The following CTCF variants were observed in gnomAD, a reference collection of about 807,000 sequenced individuals.
CTCF encodes the protein transcriptional repressor CTCF.
CTCF carries 7 observed loss-of-function variants against 72.3 expected under a neutral mutation model. That is an observed-to-expected ratio of 0.10 (90% CI 0.06 to 0.18). The LOEUF (loss-of-function observed/expected upper bound fraction) is 0.18, where lower values mean the gene tolerates loss of function less well. Ranked by LOEUF, CTCF falls within the 10% of genes least tolerant of loss-of-function variation. The pLI is 1.00. For missense variants in CTCF, 516 were observed against 949.1 expected, an observed-to-expected ratio of 0.54 and a Z score of 6.00; for synonymous variants, 374 against 315.8, an observed-to-expected ratio of 1.18 and a Z score of -1.95.
intron 2 of CTCF, among the ~76,000 whole-genome samples, chr16:67,606,756 G>GTTTT (rs796220502): frequency 8.8e-5 from 11 of 124,486 alleles, no homozygotes; most frequent in East Asian, 2.3e-4. Flanking sequence ...TTTGTTTTGG[G>GTTTT]TTTTTTTTTT....
intron 2 of CTCF, among the ~76,000 whole-genome samples, chr16:67,592,279 G>A (rs1338590637): frequency 6.6e-6 from 1 of 151,924 alleles, no homozygotes. Flanking sequence ...GGGCATAGTG[G>A]TGTACGCCTG....
At chr16:67,631,523 A>G (rs1427616275) in intron 10 of CTCF, among the ~76,000 whole-genome samples, 1 of 150,764 alleles carries the variant, frequency 6.6e-6, no homozygotes, top group Non-Finnish European at 1.5e-5. Context: ...TGGTCTCGTA[A>G]CTCCTGGGCT....
chr16:67,585,401 C>T (rs1445176307), intron 2 of CTCF, among the ~76,000 whole-genome samples: 1 of 152,176 alleles, frequency 6.6e-6, no homozygotes, highest in Non-Finnish European at 1.5e-5. Flanking sequence ...GTAATGTTAC[C>T]AACTTTAAAA....
chr16:67,591,753 G>A (rs766989531), intron 2 of CTCF, among the ~76,000 whole-genome samples: 1 of 152,026 alleles, frequency 6.6e-6, no homozygotes, highest in African/African-American at 2.4e-5. Context: ...AGAGTCTTGC[G>A]CTGTCACTCA....
chr16:67,585,452 A>G (rs1411336941), intron 2 of CTCF, among the ~76,000 whole-genome samples: 2 of 152,254 alleles, frequency 1.3e-5, no homozygotes, highest in Non-Finnish European at 2.9e-5. Flanking sequence ...CTAGGCTCTG[A>G]CTGAAGATAA....
At chr16:67,635,099 G>A (rs2052412594) in intron 10 of CTCF, among the ~76,000 whole-genome samples, 1 of 151,792 alleles carries the variant, frequency 6.6e-6, no homozygotes, top group South Asian at 2.1e-4. Flanking sequence ...TTGGCTCACT[G>A]CAACCTCTGC....
chr16:67,607,768 C>G (rs2051995984), intron 2 of CTCF, among the ~76,000 whole-genome samples: 1 of 151,794 alleles, frequency 6.6e-6, no homozygotes, highest in Non-Finnish European at 1.5e-5. Context: ...GCCTGTAGTC[C>G]CAGCACTTTG....
Position 67,629,420 on chromosome 16 carries a change from A to G in CTCF, c.1724A>G (p.Asp575Gly). 6.2e-7 allele frequency: 1 copy of G among 1,609,096 alleles called. No homozygotes were observed. Among genetic ancestry groups the G allele is most frequent in the Non-Finnish European group, 8.5e-7 (1 of 1,178,044 alleles). Residue 575 changes from aspartate (D) to glycine (G), a missense_variant, in exon 10 of 12, where the codon GAT (aspartate) becomes GGT (glycine). Physicochemically the swap from Asp to Gly is moderately conservative, Grantham distance 94. Around this residue, in one of 7 missense-constraint regions of CTCF, gnomAD observed 81 missense variants for 184.3 expected, o/e 0.44. Coordinates refer to ENST00000264010, the MANE Select transcript of CTCF (RefSeq NM_006565.4). Reference protein sequence around the residue: ...TRRNTMARHADNCAGPDGVEG... With the variant: ...TRRNTMARHAGNCAGPDGVEG... ...TAGAATACCATGGCAAGACATGCTG[A>G]TAATTGTGCTGGCCCAGATGGCGTA...
At chr16:67,571,979 C>A (rs1004654828) in intron 2 of CTCF, among the ~76,000 whole-genome samples, 1 of 151,838 alleles carries the variant, frequency 6.6e-6, no homozygotes, top group Non-Finnish European at 1.5e-5. Context: ...CTCACGGTAC[C>A]GGAAAGCACA....
At chr16:67,614,316 C>CA (rs2052101121) in intron 4 of CTCF, 1 of 144,220 alleles carries the variant, frequency 6.9e-6, no homozygotes, top group Non-Finnish European at 1.5e-5. Flanking sequence ...CATTGCACTC[C>CA]AGCCTGGGCG....
intron 2 of CTCF, among the ~76,000 whole-genome samples, chr16:67,600,819 C>T (rs1172120938): frequency 4.6e-5 from 7 of 151,928 alleles, no homozygotes; most frequent in African/African-American, 9.7e-5. Context: ...AGGTGATTTT[C>T]GTAATCTGGA....
chr16:67,599,764 C>T (rs1310380215), intron 2 of CTCF, among the ~76,000 whole-genome samples: 2 of 152,204 alleles, frequency 1.3e-5, no homozygotes, highest in African/African-American at 2.4e-5. Context: ...AAACCACCCA[C>T]TTTGCCAAGC....
At chr16:67,622,523 C>T (rs1236691526) in intron 7 of CTCF, among the ~76,000 whole-genome samples, 1 of 152,092 alleles carries the variant, frequency 6.6e-6, no homozygotes, top group African/African-American at 2.4e-5. Flanking sequence ...GCTGGGCCCT[C>T]ACTGCTCCTA....
intron 2 of CTCF, among the ~76,000 whole-genome samples, chr16:67,579,395 G>C (rs1388095456): frequency 6.7e-6 from 1 of 150,220 alleles, no homozygotes; most frequent in Non-Finnish European, 1.5e-5. Context: ...TTGCTGCTCT[G>C]TCACCTAGGC....
At chr16:67,581,926 TTAGATA>T (rs2051588404) in intron 2 of CTCF, among the ~76,000 whole-genome samples, 1 of 152,136 alleles carries the variant, frequency 6.6e-6, no homozygotes, top group Non-Finnish European at 1.5e-5. Context: ...ACAGCCTCTG[TTAGATA>T]TCTTTTGTTG....
chr16:67,629,745 C>CTTTTTTTTTTTTTTTTTT, intron 10 of CTCF, among the ~76,000 whole-genome samples: 4 of 85,064 alleles, frequency 4.7e-5, no homozygotes, highest in Middle Eastern at 8.8e-3. Flanking sequence ...TCATTAATGC[C>CTTTTTTTTTTTTTTTTTT]CTTTTTTTTT....
intron 7 of CTCF, among the ~76,000 whole-genome samples, chr16:67,625,600 CTT>C (rs987720668): frequency 6.6e-6 from 1 of 152,176 alleles, no homozygotes; most frequent in Admixed American, 6.5e-5. Flanking sequence ...TCTAACAACT[CTT>C]TGTGGCATTG....
chr16:67,608,728 A>AT (rs1333455723), intron 2 of CTCF, among the ~76,000 whole-genome samples: 1 of 141,970 alleles, frequency 7.0e-6, no homozygotes, highest in Non-Finnish European at 1.5e-5. Flanking sequence ...TTGGAGGTGT[A>AT]TTTAGTGTTT....
chr16:67,631,759 A>C (rs1291653935), intron 10 of CTCF, among the ~76,000 whole-genome samples: 1 of 126,372 alleles, frequency 7.9e-6, no homozygotes, highest in African/African-American at 3.1e-5. Flanking sequence ...ACTGGGTGTT[A>C]AGTGTATGCC....
Sources: allele counts gnomAD v4.1 joint callset (sites outside exome capture counted in the v4.1 genomes callset), GRCh38; gene constraint gnomAD v4.1.1; regional missense constraint gnomAD v4.1.1; transcripts MANE v1.5; gene names NCBI Gene and HGNC (gene_info 2026-07-23, HGNC 2026-07-21).